The following JAK2 variants were observed in gnomAD, a reference collection of about 807,000 sequenced individuals.
JAK2 encodes Janus kinase 2.
Under a neutral mutation model 139.3 loss-of-function variants are expected in JAK2, and 86 were observed. That is an observed-to-expected ratio of 0.62 (90% CI 0.52 to 0.74). The LOEUF is 0.74. Ranked by LOEUF, JAK2 falls within the 30% of genes least tolerant of loss-of-function variation. The pLI is 0.00. For missense variants in JAK2, 1,421 were observed against 1,360.3 expected (o/e 1.04, Z -0.70); for synonymous variants, 490 against 437.7 (o/e 1.12, Z -1.49).
Position 5,054,783 on chromosome 9 carries a change from C to T in JAK2, c.835C>T (p.Pro279Ser), listed in dbSNP as rs2130410818. Residue 279 changes from proline to serine, a missense_variant, in exon 7 of 25, where the codon CCT (proline) becomes TCT (serine). Coordinates refer to ENST00000381652, the MANE Select transcript of JAK2 (RefSeq NM_004972.4). The surrounding 1 kb of genome is among the most constrained non-coding windows in gnomAD (Gnocchi z 4.9). ...KFEVKEPGSG[P>S]SGEEIFATII... is the part of the protein sequence containing the mutation. Reference sequence around the variant, plus strand: ...TGAAGTAAAAGAACCTGGAAGTGGTCCTTCAGGTGAGGAGATTTTTGCAAC... The same window carrying T: ...TGAAGTAAAAGAACCTGGAAGTGGTTCTTCAGGTGAGGAGATTTTTGCAAC... 6.2e-7 allele frequency: 1 copy of T among 1,612,918 alleles called. No homozygotes were observed. Among genetic ancestry groups the T allele is most frequent in the Non-Finnish European group, 8.5e-7 (1 of 1,179,220 alleles).
intron 4 of JAK2, among the ~76,000 whole-genome samples, chr9:5,037,416 A>G (rs1432322320): frequency 6.6e-6 from 1 of 152,232 alleles, no homozygotes; most frequent in African/African-American, 2.4e-5. Context: ...ACGTATGTTT[A>G]TTGCGGCACT....
chr9:5,066,186 A>G (rs1017188487), intron 9 of JAK2, among the ~76,000 whole-genome samples: 12 of 152,134 alleles, frequency 7.9e-5, no homozygotes, highest in Non-Finnish European at 1.5e-4. Context: ...AAAACATAAA[A>G]AATTTTAAAA....
intron 4 of JAK2, among the ~76,000 whole-genome samples, chr9:5,038,447 AT>A (rs1159585003): frequency 6.6e-6 from 1 of 152,208 alleles, no homozygotes; most frequent in Non-Finnish European, 1.5e-5. Flanking sequence ...CTGATAACAA[AT>A]TCAGACAAAG....
chr9:5,100,684 G>T (rs1423398435), intron 22 of JAK2: 1 of 152,152 alleles, frequency 6.6e-6, no homozygotes, highest in African/African-American at 2.4e-5. Flanking sequence ...GCTCATCACA[G>T]CCTGATAGAA....
Position 5,054,474 on chromosome 9 carries a change from A to G in JAK2, c.615-89A>G. On this transcript the variant is annotated intron_variant, in intron 6 of 24. Coordinates refer to ENST00000381652, the MANE Select transcript of JAK2 (RefSeq NM_004972.4). The surrounding 1 kb of genome is among the most constrained non-coding windows in gnomAD (Gnocchi z 4.9). ...GTTGTAAGGCCTACTTAATCATGGA[A>G]AAAGGTGGTAACTTCTTTTTCAATT... 2.7e-6 allele frequency: 3 copies of G among 1,124,684 alleles called. No individual in the cohort carries two copies. The East Asian group carries it at 7.1e-5, about 27-fold the overall frequency. The allele number at this position is 1,124,684 out of a possible 1,614,324, so 69.7% of individuals were successfully genotyped here. A position where few individuals can be genotyped will look rare whatever the true frequency, so the allele number is the denominator to read the frequency against.
In JAK2 at chr9:5,081,788, C is replaced by T; in HGVS notation, c.2498C>T (p.Ser833Phe). 6.2e-7 allele frequency: 1 copy of T among 1,610,160 alleles called. No individual in the cohort carries two copies. Among genetic ancestry groups the T allele is most frequent in the Non-Finnish European group, 8.5e-7 (1 of 1,176,484 alleles). ...ATGAGGATAGGTGCCCTGGGGTTTT[C>T]TGGTGCCTTTGAAGACCGGGATCCT... ...PNMRIGALGF[S>F]GAFEDRDPTQ... Residue 833 changes from serine to phenylalanine, a missense_variant, in exon 19 of 25, where the codon TCT becomes TTT. By Grantham distance (155) the Ser-to-Phe change is radical. Coordinates refer to ENST00000381652, the MANE Select transcript of JAK2 (RefSeq NM_004972.4).
chr9:5,082,044 G>T (rs938734363), intron 19 of JAK2, among the ~76,000 whole-genome samples, 183 bp downstream of exon 19: 35 of 152,312 alleles, frequency 2.3e-4, no homozygotes, highest in Admixed American at 7.2e-4. Flanking sequence ...AATGAAGGGG[G>T]CCAGCCCCTC....
chr9:5,005,071 C>CATGCCTGG (rs1182651634), intron 2 of JAK2, among the ~76,000 whole-genome samples: 1 of 128,678 alleles, frequency 7.8e-6, no homozygotes, highest in Admixed American at 8.7e-5. Flanking sequence ...CATGTGCCAG[C>CATGCCTGG]ATGCCTGGCT....
chr9:5,027,685 TTTGA>T (rs1467762992), intron 3 of JAK2, among the ~76,000 whole-genome samples: 2 of 152,254 alleles, frequency 1.3e-5, no homozygotes, highest in African/African-American at 2.4e-5. Context: ...CTGCCACTGC[TTTGA>T]TTAAGTTGAT....
At chr9:5,074,316 T>A (rs539556071) in intron 14 of JAK2, among the ~76,000 whole-genome samples, 3 of 152,304 alleles carry the variant, frequency 2.0e-5, no homozygotes, top group African/African-American at 7.2e-5. Flanking sequence ...CCTTGCTTTA[T>A]TGTGCTTCTT....
At chr9:5,101,662 T>C (rs1024686193) in intron 22 of JAK2, among the ~76,000 whole-genome samples, 1 of 152,198 alleles carries the variant, frequency 6.6e-6, no homozygotes, top group African/African-American at 2.4e-5. Flanking sequence ...GGTGCCTGTC[T>C]GGGACGAAGC....
intron 19 of JAK2, chr9:5,085,266 A>G: frequency 1.5e-6 from 1 of 688,776 alleles, no homozygotes; most frequent in Non-Finnish European, 2.8e-6. Flanking sequence ...GATTCACATC[A>G]GCTGATGTTG....
intron 2 of JAK2, among the ~76,000 whole-genome samples, chr9:5,012,400 G>A (rs78414109): frequency 3.3e-3 from 500 of 151,924 alleles, no homozygotes; most frequent in African/African-American, 0.011. Context: ...TATAATTGTC[G>A]TCATCAGGAA....
intron 4 of JAK2, among the ~76,000 whole-genome samples, chr9:5,036,524 C>T (rs925595325): frequency 6.6e-6 from 1 of 152,130 alleles, no homozygotes. Context: ...GGTATCAAAA[C>T]AGAGATATAG....
chr9:5,051,885 C>A (rs1817437598), intron 6 of JAK2, among the ~76,000 whole-genome samples: 2 of 151,962 alleles, frequency 1.3e-5, no homozygotes, highest in African/African-American at 4.8e-5. Context: ...TTTCAGATGT[C>A]TGTTAGGTCT....
intron 22 of JAK2, among the ~76,000 whole-genome samples, chr9:5,103,405 A>G (rs1295771193): frequency 1.3e-5 from 2 of 151,982 alleles, no homozygotes; most frequent in African/African-American, 4.8e-5. Context: ...ATACAGCAGC[A>G]CCAAGATTCA....
chr9:5,123,097 T>C lies in JAK2; in HGVS notation c.3153T>C (p.Ile1051=), dbSNP rs749700990. ...TTCTGTATGAACTTTTCACATACAT[T>C]GAGAAGAGTAAAAGTCCACCAGCGG... ...GVVLYELFTY[I]EKSKSPPAEF... is the part of the protein sequence containing the mutation. Residue 1051 remains isoleucine (I), a synonymous_variant, in exon 23 of 25, where the codon ATT becomes ATC. Transcript: ENST00000381652. The C allele has an allele frequency of 1.2e-6, 2 of 1,607,044 alleles. No homozygotes were observed. The highest frequency in any genetic ancestry group is 1.7e-6 in the Non-Finnish European group (2 of 1,175,998).
rs1816463249 is a variant in JAK2, at chr9:5,041,048, C to T, written c.351-3355C>T. On this transcript the variant is annotated intron_variant, in intron 4 of 24. Transcript: ENST00000381652. Reference sequence around the variant, plus strand: ...GGTACCGGTTCTACAAGCAGCTCAGCGCCATAGAGGGCGTCCCTCAGGTCT... The same window carrying T: ...GGTACCGGTTCTACAAGCAGCTCAGTGCCATAGAGGGCGTCCCTCAGGTCT... The T allele has an allele frequency of 5.9e-6, 4 of 682,616 alleles. No individual in the cohort carries two copies. The East Asian group carries it at 8.7e-5, about 15-fold the overall frequency. The allele number at this position is 682,616 out of a possible 1,614,324, so 42.3% of individuals were successfully genotyped here.
chr9:5,040,028 T>C (rs551528752), intron 4 of JAK2, among the ~76,000 whole-genome samples: 1 of 152,320 alleles, frequency 6.6e-6, no homozygotes, highest in South Asian at 2.1e-4. Flanking sequence ...AATACAAAGT[T>C]TGAAGACTTA....
Sources: gnomAD v4.1 joint callset for allele counts (sites outside exome capture counted in the v4.1 genomes callset) on GRCh38, gnomAD v4.1.1 for gene constraint, Gnocchi (gnomAD v3.1) non-coding constraint, MANE v1.5 for transcripts, NCBI Gene and HGNC (gene_info 2026-07-23, HGNC 2026-07-21) for gene names.